CERS3: variants seen among roughly 807,000 people sequenced by gnomAD.
The protein encoded by CERS3 is ceramide synthase 3.
Under a neutral mutation model 50.3 loss-of-function variants are expected in CERS3, and 33 were observed. The ratio of observed to expected loss-of-function variants is 0.66; its 90% CI spans 0.50 to 0.88. The LOEUF (loss-of-function observed/expected upper bound fraction) is 0.88, where lower values mean the gene tolerates loss of function less well. CERS3 is among the 40% of genes least tolerant of loss of function. The pLI is 0.00. For synonymous variants in CERS3, 176 were observed against 155.2 expected (o/e 1.13, Z -0.99); for missense variants, 470 against 460.3 (o/e 1.02, Z -0.19).
intron 10 of CERS3, among the ~76,000 whole-genome samples, chr15:100,459,584 C>CGT (rs1235014500): frequency 6.6e-6 from 1 of 152,152 alleles, no homozygotes; most frequent in East Asian, 1.9e-4. Flanking sequence ...TGAACCACCA[C>CGT]GTGTGGTTCT....
intron 2 of CERS3, among the ~76,000 whole-genome samples, chr15:100,516,160 A>G (rs1323458808): frequency 1.3e-5 from 2 of 152,200 alleles, no homozygotes; most frequent in Admixed American, 6.5e-5. Flanking sequence ...CTGGCTTCCC[A>G]TCAACTCATC....
At chr15:100,416,107 T>A (rs1331712583) in intron 11 of CERS3, among the ~76,000 whole-genome samples, 3 of 147,176 alleles carry the variant, frequency 2.0e-5, no homozygotes, top group African/African-American at 7.5e-5. Context: ...AAACTACCAA[T>A]GTAATTTTTC....
chr15:100,517,072 C>T (rs77151369), intron 2 of CERS3, among the ~76,000 whole-genome samples: 2,048 of 152,344 alleles, frequency 0.013, 23 homozygotes, highest in East Asian at 0.029. Context: ...AGAACTGTGG[C>T]TCTGGAGTCA....
intron 2 of CERS3, among the ~76,000 whole-genome samples, chr15:100,503,159 C>T (rs2036062366): frequency 6.6e-6 from 1 of 152,002 alleles, no homozygotes; most frequent in Non-Finnish European, 1.5e-5. Context: ...TCCTCAGATT[C>T]ACAACAAGGT....
chr15:100,435,756 T>C (rs911475555), intron 11 of CERS3, among the ~76,000 whole-genome samples: 2 of 152,100 alleles, frequency 1.3e-5, no homozygotes, highest in Non-Finnish European at 2.9e-5. Flanking sequence ...GAATCTACAA[T>C]GAACTTAAAC....
intron 11 of CERS3, among the ~76,000 whole-genome samples, chr15:100,408,979 A>G (rs1253580963): frequency 2.0e-5 from 3 of 152,196 alleles, no homozygotes; most frequent in Non-Finnish European, 4.4e-5. Flanking sequence ...ACACAGGATG[A>G]AAAGCCAGAC....
intron 2 of CERS3, among the ~76,000 whole-genome samples, chr15:100,502,267 A>AAGAAAG (rs1555532594): frequency 1.8e-5 from 2 of 109,262 alleles, no homozygotes; most frequent in Non-Finnish European, 3.6e-5. Context: ...AAAAAAAAAA[A>AAGAAAG]AAAGAAAGAA....
intron 4 of CERS3, among the ~76,000 whole-genome samples, chr15:100,488,392 T>TA (rs1244316522): frequency 6.6e-6 from 1 of 152,214 alleles, no homozygotes; most frequent in Non-Finnish European, 1.5e-5. Flanking sequence ...TACTTTTTTT[T>TA]AGTGGTAATA....
chr15:100,489,626 T>C (rs928271011), intron 4 of CERS3, among the ~76,000 whole-genome samples: 1 of 152,190 alleles, frequency 6.6e-6, no homozygotes. Context: ...AAGAGCCCTA[T>C]CTTTTTTTAA....
At chr15:100,436,183 TG>T (rs1342338926) in intron 11 of CERS3, among the ~76,000 whole-genome samples, 1 of 152,230 alleles carries the variant, frequency 6.6e-6, no homozygotes, top group Non-Finnish European at 1.5e-5. Context: ...ATATGTTTAT[TG>T]TAGCACTATT....
upstream of CERS3, among the ~76,000 whole-genome samples, chr15:100,532,677 T>G (rs2036967180): frequency 6.6e-6 from 1 of 152,102 alleles, no homozygotes. Flanking sequence ...GAGGATCACC[T>G]GAGCCTGGGA....
intron 1 of CERS3, among the ~76,000 whole-genome samples, chr15:100,534,415 C>G (rs2037022130): frequency 6.6e-6 from 1 of 151,848 alleles, no homozygotes; most frequent in Non-Finnish European, 1.5e-5. Flanking sequence ...TAGAACAATA[C>G]CTGGCTCAGA....
At chr15:100,467,916 C>G (rs2034837440) in intron 10 of CERS3, among the ~76,000 whole-genome samples, 1 of 146,266 alleles carries the variant, frequency 6.8e-6, no homozygotes, top group African/African-American at 2.6e-5. Flanking sequence ...AAGACAGGGT[C>G]TCACTATGTT....
intron 7 of CERS3, among the ~76,000 whole-genome samples, chr15:100,477,530 T>C (rs560804100): frequency 3.9e-5 from 6 of 152,138 alleles, no homozygotes; most frequent in African/African-American, 1.4e-4. Context: ...ACCTGTGGAG[T>C]CAAGATCCTA....
chr15:100,466,828 T>C (rs1429465638), intron 10 of CERS3, among the ~76,000 whole-genome samples: 6 of 84,144 alleles, frequency 7.1e-5, no homozygotes, highest in Admixed American at 1.6e-4. Flanking sequence ...TCTCTCCCTC[T>C]CTCCCTCTCT....
Position 100,447,259 on chromosome 15 carries a change from T to G in CERS3, c.999+8634A>C, listed in dbSNP as rs60322259. Among the ~76,000 whole-genome samples, 317 of 152,324 alleles carry G rather than the reference T, an allele frequency of 2.1e-3. 1 individual carries two copies. Among genetic ancestry groups the G allele is most frequent in the African/African-American group, 7.0e-3 (291 of 41,568 alleles). ...CTCCTTATCTTAATACAGACATTCC[T>G]TTCTATTGATTTCAGCTCTTATCTA... is the stretch of plus-strand genomic sequence containing the variant. On this transcript the variant is annotated intron_variant, in intron 11 of 11. Transcript: ENST00000679737.
At chr15:100,531,511 G>C (rs528723642), upstream of CERS3, among the ~76,000 whole-genome samples, 4 of 152,050 alleles carry the variant, frequency 2.6e-5, no homozygotes, top group African/African-American at 9.7e-5. Context: ...GCTCCTCTGA[G>C]GAAAATAACC....
intron 11 of CERS3, among the ~76,000 whole-genome samples, chr15:100,454,263 G>A (rs1048814285): frequency 3.3e-5 from 5 of 152,032 alleles, no homozygotes; most frequent in African/African-American, 9.6e-5. Context: ...GGTGGCATGG[G>A]CCTGTAGTCC....
intron 4 of CERS3, among the ~76,000 whole-genome samples, chr15:100,486,608 C>T (rs975392181): frequency 1.3e-5 from 2 of 152,212 alleles, no homozygotes; most frequent in African/African-American, 4.8e-5. Flanking sequence ...CACGAACAGA[C>T]CCCCAACATG....
Sources: gnomAD v4.1 joint callset for allele counts (sites outside exome capture counted in the v4.1 genomes callset) on GRCh38, gnomAD v4.1.1 for gene constraint, MANE v1.5 for transcripts, NCBI Gene and HGNC (gene_info 2026-07-23, HGNC 2026-07-21) for gene names.